The following GNG7 variants were observed in gnomAD, a reference collection of about 807,000 sequenced individuals.
The protein encoded by GNG7 is guanine nucleotide-binding protein G(I)/G(S)/G(O) subunit gamma-7.
A neutral mutation model predicts 4.0 loss-of-function variants in GNG7; 1 was observed. The ratio of observed to expected loss-of-function variants is 0.25; its 90% confidence interval spans 0.09 to 1.18. GNG7 has a LOEUF of 1.18. Ranked by LOEUF, GNG7 falls within the 50% of genes most tolerant of loss-of-function variation. GNG7 has a pLI of 0.50. For synonymous variants in GNG7, 34 were observed against 36.9 expected (o/e 0.92, Z 0.29); for missense variants, 86 against 91.9 (o/e 0.94, Z 0.26).
intron 2 of GNG7, among the ~76,000 whole-genome samples, chr19:2,619,787 C>T (rs560853805): frequency 2.6e-4 from 40 of 151,722 alleles, no homozygotes; most frequent in Admixed American, 2.6e-4. Flanking sequence ...AGTGACTGCT[C>T]ATGGGGGACA....
At chr19:2,548,264 A>C (rs113148071) in intron 3 of GNG7, among the ~76,000 whole-genome samples, 1 of 151,892 alleles carries the variant, frequency 6.6e-6, no homozygotes. Context: ...GGATTGCCTG[A>C]GCTCAGGAGT....
intron 3 of GNG7, among the ~76,000 whole-genome samples, chr19:2,550,867 C>A (rs1021108263): frequency 6.6e-6 from 1 of 152,174 alleles, no homozygotes; most frequent in Non-Finnish European, 1.5e-5. Context: ...TCTGCTGAGT[C>A]GCTGAGTAGG....
intron 1 of GNG7, among the ~76,000 whole-genome samples, chr19:2,652,395 A>G (rs1426433220): frequency 6.6e-6 from 1 of 151,338 alleles, no homozygotes; most frequent in Non-Finnish European, 1.5e-5. Context: ...CGAGGCGGGT[A>G]AATCACCTGA....
intron 1 of GNG7, among the ~76,000 whole-genome samples, chr19:2,663,457 T>G (rs1022851194): frequency 6.6e-6 from 1 of 151,510 alleles, no homozygotes; most frequent in East Asian, 2.0e-4. Flanking sequence ...CACCTCGACA[T>G]TGGACTTCCC....
rs910236367 is a variant in GNG7 at position 2,653,119 on chromosome 19, A to G, written c.-134-6839T>C. Among the ~76,000 whole-genome samples the G allele has an allele frequency of 6.6e-6, 1 of 152,158 alleles. No homozygotes were observed. The highest frequency in any genetic ancestry group is 1.5e-5 in the Non-Finnish European group (1 of 68,044). On this transcript the variant is annotated intron_variant, in intron 1 of 4. Coordinates refer to ENST00000382159, the MANE Select transcript of GNG7 (RefSeq NM_052847.3). This position sits in a 1 kb window ranked among gnomAD's most constrained non-coding sequence, Gnocchi z 4.8. ...TAAATAAATCAAAATAAAATAAAAT[A>G]AATAATAGAAACTGAAAACAAAAAC... is the stretch of plus-strand genomic sequence containing the variant.
intron 2 of GNG7, among the ~76,000 whole-genome samples, chr19:2,558,244 G>GT (rs1435255853): frequency 2.1e-5 from 1 of 48,676 alleles, no homozygotes; most frequent in African/African-American, 1.4e-4. Flanking sequence ...TTTTGTTTTT[G>GT]TTTTTGTTTT....
chr19:2,668,678 T>C (rs1438940962), intron 1 of GNG7, among the ~76,000 whole-genome samples: 3 of 152,078 alleles, frequency 2.0e-5, no homozygotes, highest in Non-Finnish European at 4.4e-5. Flanking sequence ...GTTTTATGGA[T>C]GGAAAGTTCT....
intron 2 of GNG7, among the ~76,000 whole-genome samples, chr19:2,601,507 AT>A (rs921838977): frequency 6.6e-6 from 1 of 151,960 alleles, no homozygotes; most frequent in African/African-American, 2.4e-5. Context: ...GGACTGGGCA[AT>A]TTTTTTTGGC....
chr19:2,702,445 C>T (rs1045921660), intron 1 of GNG7, among the ~76,000 whole-genome samples: 1 of 118,002 alleles, frequency 8.5e-6, no homozygotes, highest in Non-Finnish European at 1.7e-5. Flanking sequence ...CCCCAGCTAA[C>T]TTCGACCCCC....
At chr19:2,588,512 G>A (rs371409088) in intron 2 of GNG7, among the ~76,000 whole-genome samples, 1 of 152,216 alleles carries the variant, frequency 6.6e-6, no homozygotes, top group Non-Finnish European at 1.5e-5. Context: ...CCGTTCCCCC[G>A]GCTGGGAAAA....
chr19:2,670,356 C>T (rs556883695), intron 1 of GNG7, among the ~76,000 whole-genome samples: 6 of 152,306 alleles, frequency 3.9e-5, no homozygotes, highest in East Asian at 3.9e-4. Context: ...GAGGCCCCCG[C>T]GGGAGCCGTG....
intron 1 of GNG7, among the ~76,000 whole-genome samples, chr19:2,649,268 G>A (rs1188884728): frequency 6.6e-6 from 1 of 151,826 alleles, no homozygotes; most frequent in Admixed American, 6.6e-5. Flanking sequence ...AATTTGAAGT[G>A]GTCTGGTGCG....
chr19:2,659,111 A>G (rs1003315228), intron 1 of GNG7, among the ~76,000 whole-genome samples: 9 of 151,804 alleles, frequency 5.9e-5, no homozygotes, highest in Non-Finnish European at 1.3e-4. Flanking sequence ...CTGGGACTAC[A>G]GGCGCCCGCC....
At chr19:2,646,671 C>G (rs1288439182) in intron 1 of GNG7, among the ~76,000 whole-genome samples, 1 of 143,732 alleles carries the variant, frequency 7.0e-6, no homozygotes, top group Non-Finnish European at 1.5e-5. Flanking sequence ...GGCAACAGGG[C>G]AAGACTCTGC....
intron 2 of GNG7, among the ~76,000 whole-genome samples, chr19:2,629,213 G>A (rs903691429): frequency 9.2e-5 from 14 of 152,196 alleles, no homozygotes; most frequent in Admixed American, 6.5e-4. Flanking sequence ...TCTCTCTGAA[G>A]GTTGAGCAAA....
chr19:2,686,962 C>G (rs1276214827), intron 1 of GNG7, among the ~76,000 whole-genome samples: 1 of 151,696 alleles, frequency 6.6e-6, no homozygotes, highest in Non-Finnish European at 1.5e-5. Context: ...CCGTGTTAGC[C>G]AGGATGGTCT....
chr19:2,662,016 T>G (rs1308299180), intron 1 of GNG7, among the ~76,000 whole-genome samples: 1 of 152,114 alleles, frequency 6.6e-6, no homozygotes, highest in African/African-American at 2.4e-5. Flanking sequence ...TCCCAGCACT[T>G]TCAGAGGCCA....
chr19:2,533,054 A>G (rs968471911), intron 3 of GNG7, among the ~76,000 whole-genome samples: 2 of 152,162 alleles, frequency 1.3e-5, no homozygotes, highest in African/African-American at 4.8e-5. Flanking sequence ...ATGCCTGTCA[A>G]CGAGAGAATA....
chr19:2,545,493 A>C (rs1371845145), intron 3 of GNG7, among the ~76,000 whole-genome samples: 3 of 151,030 alleles, frequency 2.0e-5, no homozygotes, highest in South Asian at 2.1e-4. Context: ...ACTAAAAAAA[A>C]AATCAAAATT....
Sources: gnomAD v4.1 joint callset for allele counts (sites outside exome capture counted in the v4.1 genomes callset) on GRCh38, gnomAD v4.1.1 for gene constraint, Gnocchi (gnomAD v3.1) non-coding constraint, MANE v1.5 for transcripts, NCBI Gene and HGNC (gene_info 2026-07-23, HGNC 2026-07-21) for gene names.